Variants in RCOR1 observed in about 807,000 individuals in gnomAD.
The protein encoded by RCOR1 is REST corepressor 1.
Under a neutral mutation model 64.0 loss-of-function variants are expected in RCOR1, and 12 were observed. That is an observed-to-expected ratio of 0.19 (90% confidence interval 0.12 to 0.30). The LOEUF (loss-of-function observed/expected upper bound fraction) is 0.30, where lower values mean the gene tolerates loss of function less well. RCOR1 is among the 10% of genes least tolerant of loss of function. RCOR1 has a pLI of 1.00. For synonymous variants in RCOR1, 279 were observed against 227.2 expected (o/e 1.23, Z -2.05); for missense variants, 502 against 621.2 (o/e 0.81, Z 2.04).
chr14:102,619,761 G>A (rs192974895), intron 2 of RCOR1, among the ~76,000 whole-genome samples: 4 of 152,232 alleles, frequency 2.6e-5, no homozygotes, highest in Admixed American at 2.0e-4. Context: ...GATTACATGC[G>A]TGAGCCACTG....
chr14:102,719,747 C>T (rs538507708), intron 8 of RCOR1, among the ~76,000 whole-genome samples: 35 of 152,262 alleles, frequency 2.3e-4, no homozygotes, highest in Non-Finnish European at 3.5e-4. Flanking sequence ...TCTTTTATAA[C>T]GTTACTTAAT....
chr14:102,638,942 C>T (rs1398559408), intron 2 of RCOR1, among the ~76,000 whole-genome samples: 1 of 152,150 alleles, frequency 6.6e-6, no homozygotes, highest in Admixed American at 6.5e-5. Flanking sequence ...GGATTGCAGG[C>T]GTGAACTACT....
chr14:102,671,808 C>T (rs1895037013), intron 2 of RCOR1, among the ~76,000 whole-genome samples: 1 of 152,094 alleles, frequency 6.6e-6, no homozygotes. Context: ...TTTTATCATC[C>T]CATGAAGAAA....
chr14:102,593,318 C>T lies in RCOR1; in HGVS notation c.354C>T (p.Phe118=). Residue 118 remains phenylalanine, a synonymous_variant, in exon 2 of 12, where the codon TTC becomes TTT. Transcript: ENST00000262241. ...AGTACCAGGCGGTGGTGCCCGACTT[C>T]GACCCCGGTGAGTAGCGGCCCCGGC... ...GPQYQAVVPD[F]DPAKLARRSQ... The T allele has an allele frequency of 6.5e-7, 1 of 1,546,546 alleles. No individual in the cohort carries two copies. The highest frequency in any genetic ancestry group is 8.7e-7 in the Non-Finnish European group (1 of 1,153,368).
intron 7 of RCOR1, among the ~76,000 whole-genome samples, chr14:102,713,907 A>T (rs1385349699): frequency 2.6e-5 from 4 of 152,194 alleles, no homozygotes; most frequent in Admixed American, 6.5e-5. Context: ...ACTTGACAAG[A>T]TTTTACTGTG....
intron 2 of RCOR1, among the ~76,000 whole-genome samples, chr14:102,601,727 G>A (rs888109846): frequency 5.4e-4 from 82 of 152,126 alleles, no homozygotes; most frequent in African/African-American, 1.9e-3. Context: ...TCATTGGCTG[G>A]GAGCAGCCTA....
chr14:102,670,342 G>A (rs1895006794), intron 2 of RCOR1, among the ~76,000 whole-genome samples: 2 of 152,022 alleles, frequency 1.3e-5, no homozygotes, highest in African/African-American at 4.8e-5. Context: ...TTTTATATAG[G>A]TATTAGAGTA....
intron 2 of RCOR1, among the ~76,000 whole-genome samples, chr14:102,616,206 ATGTGTGTGTGTGTGTGTGTGTGTGTGTG>A (rs56991991): frequency 3.2e-4 from 47 of 149,154 alleles, no homozygotes; most frequent in African/African-American, 1.1e-3. Flanking sequence ...ACATGTGTAT[ATGTGTGTGTGTGTGTGTGTGTGTGTGTG>A]TGTGTGTGTG....
intron 2 of RCOR1, chr14:102,649,665 T>A (rs560233457): frequency 3.0e-6 from 1 of 329,570 alleles, no homozygotes; most frequent in East Asian, 1.7e-4. Context: ...AGTTAAGACC[T>A]CCACTGAAGC....
intron 2 of RCOR1, among the ~76,000 whole-genome samples, chr14:102,619,496 T>C (rs1039946514): frequency 1.7e-4 from 23 of 132,188 alleles, no homozygotes; most frequent in Non-Finnish European, 2.7e-4. Flanking sequence ...TTTTTTTTTT[T>C]TGGAGTCAGG....
chr14:102,633,049 T>C (rs1026788943), intron 2 of RCOR1, among the ~76,000 whole-genome samples: 4 of 151,506 alleles, frequency 2.6e-5, no homozygotes, highest in Non-Finnish European at 4.4e-5. Context: ...ACACAAGCCA[T>C]CCTCCTGCCT....
At chr14:102,691,822 T>G (rs556117218) in intron 3 of RCOR1, among the ~76,000 whole-genome samples, 1 of 152,356 alleles carries the variant, frequency 6.6e-6, no homozygotes, top group African/African-American at 2.4e-5. Flanking sequence ...TTTTAGTTTA[T>G]CCTTTCTGTT....
chr14:102,645,703 C>G (rs1158026619), intron 2 of RCOR1, among the ~76,000 whole-genome samples: 2 of 152,144 alleles, frequency 1.3e-5, no homozygotes, highest in Non-Finnish European at 2.9e-5. Context: ...AAATGACCCC[C>G]AAAAGTTAGT....
intron 2 of RCOR1, among the ~76,000 whole-genome samples, chr14:102,629,751 A>G (rs998829730): frequency 5.3e-5 from 8 of 152,206 alleles, no homozygotes; most frequent in African/African-American, 1.7e-4. Flanking sequence ...GCGAGTCTGC[A>G]TATGTGAGTG....
chr14:102,608,297 A>G (rs1215704043), intron 2 of RCOR1, among the ~76,000 whole-genome samples: 1 of 152,142 alleles, frequency 6.6e-6, no homozygotes, highest in East Asian at 1.9e-4. Context: ...TTTCACGTAA[A>G]TGGGTATGTG....
intron 2 of RCOR1, among the ~76,000 whole-genome samples, chr14:102,676,329 C>A (rs1269890256): frequency 1.4e-5 from 2 of 140,430 alleles, no homozygotes; most frequent in African/African-American, 5.6e-5. Context: ...GGCGGCTGGC[C>A]GGGCGGGGGG....
intron 2 of RCOR1, among the ~76,000 whole-genome samples, chr14:102,606,073 G>A (rs1893500850): frequency 6.6e-6 from 1 of 151,902 alleles, no homozygotes; most frequent in Non-Finnish European, 1.5e-5. Flanking sequence ...TTACAGGTGC[G>A]CGCCACCATG....
rs1895309518 is a variant in RCOR1, at chr14:102,681,813, A to G, written c.362-82A>G. The stretch of plus-strand genomic sequence containing the variant: ...CCAGATACAGGTAAAAAGGTGGGTG[A>G]TGTCATTAAAAGGTATTGTTACTTA... On this transcript the variant is annotated intron_variant, in intron 2 of 11. Coordinates refer to ENST00000262241, the MANE Select transcript of RCOR1 (RefSeq NM_015156.4). 1.1e-5 allele frequency: 11 copies of G among 965,696 alleles called. No individual in the cohort carries two copies. In the Middle Eastern group the frequency reaches 7.2e-4, roughly 63 times the overall value. 59.8% of individuals were successfully genotyped at this position (965,696 alleles called of 1,614,324 possible). A position where few individuals can be genotyped will look rare whatever the true frequency, so the allele number is the denominator to read the frequency against.
At chr14:102,667,884 G>T (rs139356428) in intron 2 of RCOR1, among the ~76,000 whole-genome samples, 1,543 of 152,276 alleles carry the variant, frequency 0.01, 16 homozygotes, top group Admixed American at 0.015. Flanking sequence ...ATAGTGGGAA[G>T]GGTGAATGAG....
Sources: allele counts gnomAD v4.1 joint callset (sites outside exome capture counted in the v4.1 genomes callset), GRCh38; gene constraint gnomAD v4.1.1; transcripts MANE v1.5; gene names NCBI Gene and HGNC (gene_info 2026-07-23, HGNC 2026-07-21).